The following TNRC6A variants were observed in gnomAD, a reference collection of about 807,000 sequenced individuals.
TNRC6A encodes the protein trinucleotide repeat-containing gene 6A protein.
In TNRC6A, 44 loss-of-function variants were observed where a neutral mutation model predicts 221.2. That is an observed-to-expected ratio of 0.20 (90% CI 0.16 to 0.26). The LOEUF (loss-of-function observed/expected upper bound fraction) is 0.26. Among genes scored for constraint, TNRC6A ranks in the 10% least tolerant of loss-of-function variants. The pLI is 1.00. For missense variants in TNRC6A, 2,199 were observed against 2,404.4 expected, an observed-to-expected ratio of 0.91 and a Z score of 1.79; for synonymous variants, 847 against 838.5, an observed-to-expected ratio of 1.01 and a Z score of -0.18.
intron 2 of TNRC6A, among the ~76,000 whole-genome samples, chr16:24,687,573 G>C (rs1246834583): frequency 6.6e-6 from 1 of 152,118 alleles, no homozygotes; most frequent in East Asian, 1.9e-4. Flanking sequence ...AGGATGTCTT[G>C]AGTCCAGAGG....
intron 18 of TNRC6A, among the ~76,000 whole-genome samples, chr16:24,810,177 T>C (rs2058514036): frequency 6.6e-6 from 1 of 152,256 alleles, no homozygotes; most frequent in Non-Finnish European, 1.5e-5. Flanking sequence ...TATTGCTATG[T>C]GTAAGTCATA....
At chr16:24,624,175 G>A (rs72768603) in intron 1 of TNRC6A, among the ~76,000 whole-genome samples, 35,805 of 151,924 alleles carry the variant, frequency 0.24, 4,492 homozygotes, top group Middle Eastern at 0.37. Flanking sequence ...CAGCAGGCTC[G>A]CCCACACGTT....
intron 1 of TNRC6A, among the ~76,000 whole-genome samples, chr16:24,616,349 A>G (rs1406348754): frequency 9.7e-6 from 1 of 103,032 alleles, no homozygotes; most frequent in Non-Finnish European, 2.1e-5. Flanking sequence ...AAAAAAGAAG[A>G]AGAAGAAGAA....
chr16:24,732,636 C>T (rs2056671264), intron 2 of TNRC6A, among the ~76,000 whole-genome samples: 1 of 152,094 alleles, frequency 6.6e-6, no homozygotes, highest in Non-Finnish European at 1.5e-5. Flanking sequence ...TTTTGGTAGG[C>T]GGGACCCACA....
At chr16:24,673,488 C>A (rs1216145649) in intron 2 of TNRC6A, among the ~76,000 whole-genome samples, 1 of 152,222 alleles carries the variant, frequency 6.6e-6, no homozygotes, top group Non-Finnish European at 1.5e-5. Context: ...GAAGTAGATT[C>A]TGGCAGGGTG....
chr16:24,726,974 G>A (rs1342759627), upstream of TNRC6A, among the ~76,000 whole-genome samples: 1 of 151,966 alleles, frequency 6.6e-6, no homozygotes, highest in Non-Finnish European at 1.5e-5. Flanking sequence ...AGCCCAGGAG[G>A]GCTCAGATGG....
At chr16:24,654,599 G>C (rs976095767) in intron 2 of TNRC6A, among the ~76,000 whole-genome samples, 2 of 152,026 alleles carry the variant, frequency 1.3e-5, no homozygotes, top group Non-Finnish European at 2.9e-5. Context: ...TGCACCTGTA[G>C]TACCAGCTAC....
intron 2 of TNRC6A, among the ~76,000 whole-genome samples, chr16:24,722,724 A>C (rs2056431312): frequency 6.6e-6 from 1 of 152,002 alleles, no homozygotes; most frequent in African/African-American, 2.4e-5. Flanking sequence ...GTGAGCCACA[A>C]CTCTTAAATA....
At position 24,804,300 on chromosome 16, in the gene TNRC6A, G is replaced by C; in HGVS notation, c.3818G>C (p.Arg1273Pro). 1 of 1,612,578 alleles carries C rather than the reference G, an allele frequency of 6.2e-7. No homozygotes were observed. Among genetic ancestry groups the C allele is most frequent in the Non-Finnish European group, 8.5e-7 (1 of 1,179,736 alleles). The change falls in exon 12 of 25, where the codon CGC becomes CCC. Residue 1273 changes from arginine to proline, a missense_variant. By Grantham distance (103) the Arg-to-Pro change is moderately radical. Around this residue, in one of 8 missense-constraint regions of TNRC6A, gnomAD observed 158 missense variants for 159.1 expected, o/e 0.99. Coordinates refer to ENST00000395799, the MANE Select transcript of TNRC6A (RefSeq NM_014494.4). ...ATTTCCAAAGAGTCTTCCATGGAGCGCAATCCTTATTTTGATAAGGTAAGG... is the reference window on the plus strand; with the variant it reads ...ATTTCCAAAGAGTCTTCCATGGAGCCCAATCCTTATTTTGATAAGGTAAGG... ...PQISKESSME[R>P]NPYFDKDGIV...
At chr16:24,772,060 A>G (rs1045049806) in intron 4 of TNRC6A, among the ~76,000 whole-genome samples, 2 of 152,228 alleles carry the variant, frequency 1.3e-5, no homozygotes, top group African/African-American at 4.8e-5. Flanking sequence ...TTACTCTCTC[A>G]TCTTTACAGA....
chr16:24,773,098 A>T (rs993674965), intron 4 of TNRC6A, among the ~76,000 whole-genome samples: 1 of 151,980 alleles, frequency 6.6e-6, no homozygotes, highest in East Asian at 1.9e-4. Flanking sequence ...AAAGTCATTG[A>T]TCTCTCTTTT....
intron 3 of TNRC6A, among the ~76,000 whole-genome samples, chr16:24,754,332 G>A (rs1475235804): frequency 6.6e-6 from 1 of 152,012 alleles, no homozygotes; most frequent in South Asian, 2.1e-4. Flanking sequence ...TCTTTAAAGA[G>A]CTTTTTCACA....
chr16:24,679,165 A>AT (rs1393203825), intron 2 of TNRC6A, among the ~76,000 whole-genome samples: 3 of 151,738 alleles, frequency 2.0e-5, no homozygotes, highest in Non-Finnish European at 4.4e-5. Flanking sequence ...CGCCTAGCTA[A>AT]TTTTGTATTT....
At chr16:24,706,983 ATTTAT>A (rs2056108123) in intron 2 of TNRC6A, among the ~76,000 whole-genome samples, 1 of 101,642 alleles carries the variant, frequency 9.8e-6, no homozygotes, top group Non-Finnish European at 2.5e-5. Context: ...ATCTATTTTT[ATTTAT>A]GTATTTATTT....
intron 3 of TNRC6A, among the ~76,000 whole-genome samples, chr16:24,757,282 G>A (rs989864594): frequency 1.7e-4 from 11 of 65,084 alleles, no homozygotes; most frequent in Non-Finnish European, 5.5e-5. Context: ...GTTTGGTGTG[G>A]CTTCAATATT....
At chr16:24,650,043 C>T (rs996173774) in intron 2 of TNRC6A, among the ~76,000 whole-genome samples, 37 of 151,692 alleles carry the variant, frequency 2.4e-4, no homozygotes, top group Middle Eastern at 3.4e-3. Context: ...AGGCTGGTCT[C>T]GAACTCCTGA....
intron 1 of TNRC6A, among the ~76,000 whole-genome samples, chr16:24,633,497 C>T (rs1409601211): frequency 6.6e-6 from 1 of 151,884 alleles, no homozygotes; most frequent in African/African-American, 2.4e-5. Context: ...CGGGTTCAAG[C>T]GATGCTCCTG....
intron 2 of TNRC6A, among the ~76,000 whole-genome samples, chr16:24,685,855 G>A (rs538843333): frequency 3.0e-4 from 46 of 152,296 alleles, no homozygotes; most frequent in African/African-American, 1.1e-3. Context: ...AAAATGTGTA[G>A]AAATGTGCCT....
intron 2 of TNRC6A, among the ~76,000 whole-genome samples, chr16:24,672,408 G>A (rs1053342081): frequency 2.6e-5 from 4 of 151,652 alleles, no homozygotes; most frequent in Admixed American, 6.6e-5. Flanking sequence ...GATTACAGGC[G>A]TGAGCCACCG....
Sources: allele counts gnomAD v4.1 joint callset (sites outside exome capture counted in the v4.1 genomes callset), GRCh38; gene constraint gnomAD v4.1.1; regional missense constraint gnomAD v4.1.1; transcripts MANE v1.5; gene names NCBI Gene and HGNC (gene_info 2026-07-23, HGNC 2026-07-21).